NBPF10: variants seen among roughly 807,000 people sequenced by gnomAD.
NBPF10 encodes NBPF member 10.
A neutral mutation model predicts 77.9 loss-of-function variants in NBPF10; 63 were observed. The observed-to-expected ratio is 0.81, with a 90% CI of 0.66 to 1.00. The LOEUF (loss-of-function observed/expected upper bound fraction) is 1.00. Ranked by LOEUF, NBPF10 falls within the 50% of genes least tolerant of loss-of-function variation. The probability of loss-of-function intolerance (pLI) is 0.00; values close to 1 mark genes in which losing one functional copy is unlikely to be tolerated. For synonymous variants in NBPF10, 146 were observed against 264.5 expected (o/e 0.55, Z 4.35); for missense variants, 522 against 679.8 (o/e 0.77, Z 2.58).
rs782059720 is a variant in NBPF10, at chr1:146,069,639, A to G, written c.10714T>C (p.Ser3572Pro). 140 of 1,553,616 alleles carry G rather than the reference A, an allele frequency of 9.0e-5. No individual in the cohort carries two copies. The East Asian group carries it at 3.0e-3, about 33-fold the overall frequency. The change falls in exon 86 of 90, where the codon TCA (serine) becomes CCA (proline). Residue 3572 changes from serine to proline, a missense_variant. Ser to Pro is a moderately conservative substitution (Grantham distance 74). Coordinates refer to ENST00000583866, the Ensembl canonical transcript of NBPF10. ...GAGTCACACAGTTCAAGACAACCTG[A>G]AGGAGTTGAATAACATCTATCCAGT... is the stretch of plus-strand genomic sequence containing the variant.
chr1:146,125,926 A>C (rs3928872), intron 14 of NBPF10, among the ~76,000 whole-genome samples: 1 of 151,612 alleles, frequency 6.6e-6, no homozygotes, highest in African/African-American at 2.4e-5. Context: ...GATGAAATCT[A>C]CAAGATCTAC....
exon 90 of NBPF10, chr1:146,066,501 T>C (rs782756864): frequency 1.4e-6 from 1 of 697,400 alleles, no homozygotes; most frequent in Non-Finnish European, 2.2e-6. Context: ...TCGAATAACA[T>C]CTATCCAGTG....
intron 13 of NBPF10, among the ~76,000 whole-genome samples, 167 bp from the exon 14 acceptor site, chr1:146,126,575 T>A (rs1341982882): frequency 1.4e-5 from 2 of 141,472 alleles, no homozygotes; most frequent in Non-Finnish European, 3.1e-5. Context: ...TAGGGCCAGG[T>A]AGAAAAGGAT....
rs782037520 is a variant in NBPF10 at position 146,126,362 on chromosome 1, C to T, written c.1900G>A (p.Asp634Asn). Residue 634 changes from aspartate (D) to asparagine (N), a missense_variant, in exon 14 of 90, where the codon GAC (aspartate) becomes AAC (asparagine). This residue lies in a region of NBPF10 where 178 missense variants were observed against 77.7 expected (regional missense o/e 2.29). Transcript: ENST00000583866. The stretch of plus-strand genomic sequence containing the variant: ...GTTGAATAACATCTATCCTGTGAGT[C>T]CTGCAAGACTTCAGGCCCTTTCTCA... 8.6e-6 allele frequency: 12 copies of T among 1,388,662 alleles called. 1 individual carries two copies. In the East Asian group the frequency reaches 1.1e-4, roughly 13 times the overall value. 86.0% of individuals were successfully genotyped at this position (1,388,662 alleles called of 1,614,324 possible).
At chr1:146,069,627 C>G (rs782681149) in exon 86 of NBPF10, 545 of 1,570,474 alleles carry the variant, frequency 3.5e-4, no homozygotes, top group South Asian at 6.7e-4. Context: ...TCACACAGTT[C>G]AAGACAACCT....
chr1:146,069,450 T>A (rs1238951033), intron 86 of NBPF10, 93 bp downstream of exon 86: 3 of 569,744 alleles, frequency 5.3e-6, no homozygotes, highest in Admixed American at 2.8e-5. Flanking sequence ...GGCAATGACA[T>A]CTCTCAGCTC....
At chr1:146,135,758 C>T (rs1338114811) in intron 7 of NBPF10, among the ~76,000 whole-genome samples, 3 of 144,734 alleles carry the variant, frequency 2.1e-5, no homozygotes, top group Non-Finnish European at 4.5e-5. Context: ...TCTTTCTCTT[C>T]TGTAAACAAA....
At chr1:146,126,811 G>T (rs868977288) in intron 13 of NBPF10, among the ~76,000 whole-genome samples, 1 of 125,540 alleles carries the variant, frequency 8.0e-6, no homozygotes, top group African/African-American at 3.0e-5. Context: ...AGCTTTTGAG[G>T]TATGGTCAAC....
Position 146,123,529 on chromosome 1 carries a change from G to C in NBPF10, c.2304-251C>G, listed in dbSNP as rs878978772. 8.7e-4 allele frequency among the ~76,000 whole-genome samples: 92 copies of C among 105,858 alleles called. 1 individual carries two copies. The highest frequency in any genetic ancestry group is 2.9e-3 in the African/African-American group (61 of 21,322). 69.4% of individuals were successfully genotyped at this position (105,858 alleles called of 152,430 possible). On this transcript the variant is annotated intron_variant, in intron 17 of 89. Transcript: ENST00000583866. ...ACACACACACACACACACACACAGA[G>C]AGAGAGAGAACGAGCTCAGTGAATT... is the stretch of plus-strand genomic sequence containing the variant.
chr1:146,141,856 G>C, intron 2 of NBPF10, 38 bp from the exon 3 acceptor site: 1 of 1,220,312 alleles, frequency 8.2e-7, no homozygotes, highest in Non-Finnish European at 1.2e-6. Context: ...AGAGTAGAAA[G>C]GGTTGAGTGA....
chr1:146,121,939 G>C (rs1442045549), intron 19 of NBPF10, among the ~76,000 whole-genome samples: 23 of 139,960 alleles, frequency 1.6e-4, no homozygotes, highest in Admixed American at 1.2e-3. Context: ...TACTGGTAAG[G>C]GAGTCAAAGG....
chr1:146,076,302 CAGAGAG>C (rs1158170059), intron 77 of NBPF10, among the ~76,000 whole-genome samples: 2 of 4,862 alleles, frequency 4.1e-4, no homozygotes, highest in Non-Finnish European at 6.5e-4. Flanking sequence ...CACACACACA[CAGAGAG>C]AGAGAGAGAA....
intron 89 of NBPF10, 139 bp from the exon 90 acceptor site, chr1:146,066,700 T>A (rs1319587315): frequency 6.9e-6 from 4 of 579,254 alleles, no homozygotes; most frequent in South Asian, 2.1e-5. Flanking sequence ...AAAAAAAATT[T>A]ATTGCCTTTA....
chr1:146,069,897 G>C (rs1655652438), intron 85 of NBPF10, among the ~76,000 whole-genome samples, 182 bp from the exon 86 acceptor site: 1 of 114,066 alleles, frequency 8.8e-6, no homozygotes, highest in East Asian at 2.2e-4. Context: ...AACAATGAAA[G>C]AGAAAGACAG....
At chr1:146,066,608 A>G (rs782058904) in intron 89 of NBPF10, 47 bp from the exon 90 acceptor site, 1 of 553,332 alleles carries the variant, frequency 1.8e-6, no homozygotes, top group Non-Finnish European at 3.1e-6. Context: ...AAAATCAGAC[A>G]CCACAGAGCC....
chr1:146,081,016 C>G (rs1303482043), intron 71 of NBPF10, among the ~76,000 whole-genome samples: 4 of 80,786 alleles, frequency 5.0e-5, no homozygotes, highest in African/African-American at 9.8e-5. Context: ...CACACACACA[C>G]ACACACACAC....
chr1:146,141,770 T>C, exon 3 of NBPF10: 2 of 1,344,076 alleles, frequency 1.5e-6, no homozygotes, highest in Non-Finnish European at 2.1e-6. Flanking sequence ...ACTTCTCCCT[T>C]AGCTGGGTCA....
At chr1:146,126,156 T>A in intron 14 of NBPF10, 80 bp downstream of exon 14, 1 of 903,790 alleles carries the variant, frequency 1.1e-6, no homozygotes, top group Non-Finnish European at 1.9e-6. Context: ...CTCAGCTCAG[T>A]AACGGCCACT....
chr1:146,142,666 G>T lies in NBPF10; in HGVS notation c.262C>A (p.Gln88Lys), dbSNP rs782265105. Residue 88 changes from glutamine to lysine, a missense_variant, in exon 2 of 90, where the codon CAA becomes AAA. By Grantham distance (53) the Gln-to-Lys change is moderately conservative (BLOSUM62 1). Transcript: ENST00000583866. ...TCCCCTCACCTGAGCTCCTCAGCTTGCTTCAGCTGCTCTGCAAGCTTCTCC... is the reference window on the plus strand; with the variant it reads ...TCCCCTCACCTGAGCTCCTCAGCTTTCTTCAGCTGCTCTGCAAGCTTCTCC... 50 of 1,350,688 alleles carry T rather than the reference G, an allele frequency of 3.7e-5. 6 individuals are homozygous for T. The African/African-American group carries it at 6.2e-4, about 17-fold the overall frequency. 83.7% of individuals were successfully genotyped at this position (1,350,688 alleles called of 1,614,324 possible). A position where few individuals can be genotyped will look rare whatever the true frequency, so the allele number is the denominator to read the frequency against.
Sources: allele counts gnomAD v4.1 joint callset (sites outside exome capture counted in the v4.1 genomes callset), GRCh38; gene constraint gnomAD v4.1.1; regional missense constraint gnomAD v4.1.1; transcripts MANE v1.5; gene names NCBI Gene and HGNC (gene_info 2026-07-23, HGNC 2026-07-21).